Variants in NECAB2 observed in about 807,000 individuals in gnomAD.
The protein encoded by NECAB2 is N-terminal EF-hand calcium binding protein 2.
NECAB2 carries 68 observed loss-of-function variants against 51.9 expected under a neutral mutation model. The ratio of observed to expected loss-of-function variants is 1.31; its 90% confidence interval spans 1.08 to 1.60. The LOEUF is 1.60. NECAB2 is among the 40% of genes most tolerant of loss of function. The probability of loss-of-function intolerance (pLI) is 0.00; values close to 1 mark genes in which losing one functional copy is unlikely to be tolerated. For synonymous variants in NECAB2, 329 were observed against 203.5 expected (o/e 1.62, Z -5.25); for missense variants, 854 against 490.3 (o/e 1.74, Z -7.00).
At chr16:83,974,922 G>T (rs970406258) in intron 2 of NECAB2, among the ~76,000 whole-genome samples, 3 of 136,486 alleles carry the variant, frequency 2.2e-5, no homozygotes, top group African/African-American at 1.1e-4. Context: ...GTGGGTGCGG[G>T]GATGGGAACA....
At position 83,997,037 on chromosome 16, in the gene NECAB2, C is replaced by G. The variant is rs148333483; in HGVS notation, c.796-179C>G. 3.1e-3 allele frequency among the ~76,000 whole-genome samples: 473 copies of G among 152,234 alleles called. 2 individuals carry two copies. Among genetic ancestry groups the G allele is most frequent in the Non-Finnish European group, 5.0e-3 (341 of 67,998 alleles). ...GCCATCCTCACCCCAGCAACATGTT[C>G]TAGGCCCCCTGTAGGCCAGAGGGAG... On this transcript the variant is annotated intron_variant, in intron 8 of 12. Coordinates refer to ENST00000305202, the MANE Select transcript of NECAB2 (RefSeq NM_019065.3).
intron 2 of NECAB2, 132 bp from the exon 3 acceptor site, chr16:83,978,312 G>C: frequency 7.4e-6 from 5 of 672,900 alleles, no homozygotes; most frequent in Non-Finnish European, 1.3e-5. Context: ...TAGCTGGGAG[G>C]GTAGGGATTA....
rs1424709914 is a variant in NECAB2 at position 83,968,608 on chromosome 16, G to C, written c.-41G>C. ...GCGGGGGCGGGCCGCAGCTGGGCGGGGGTCGGCGGGCTTCCGGGCGGCGGC... is the reference window on the plus strand; with the variant it reads ...GCGGGGGCGGGCCGCAGCTGGGCGGCGGTCGGCGGGCTTCCGGGCGGCGGC... On this transcript the variant is annotated 5_prime_UTR_variant, in exon 1 of 13. Transcript: ENST00000305202. 1 of 977,824 alleles carries C rather than the reference G, an allele frequency of 1.0e-6. No homozygotes were observed. Among genetic ancestry groups the C allele is most frequent in the Non-Finnish European group, 1.2e-6 (1 of 826,364 alleles). 60.6% of individuals were successfully genotyped at this position (977,824 alleles called of 1,614,324 possible). A position where few individuals can be genotyped will look rare whatever the true frequency, so the allele number is the denominator to read the frequency against.
chr16:83,978,994 A>C (rs76064413), intron 3 of NECAB2, among the ~76,000 whole-genome samples: 3,006 of 152,194 alleles, frequency 0.02, 38 homozygotes, highest in African/African-American at 0.031. Flanking sequence ...TCCTAACTCA[A>C]CACTACGTCT....
intron 5 of NECAB2, among the ~76,000 whole-genome samples, chr16:83,982,993 C>G (rs1374439760): frequency 6.6e-6 from 1 of 151,922 alleles, no homozygotes; most frequent in Non-Finnish European, 1.5e-5. Flanking sequence ...CTCAGCCTCC[C>G]GAGTAGCTGG....
chr16:83,989,279 T>C (rs970157526), intron 5 of NECAB2, among the ~76,000 whole-genome samples: 3 of 152,190 alleles, frequency 2.0e-5, no homozygotes, highest in African/African-American at 7.2e-5. Context: ...GTTTTGGCCA[T>C]GTACTCTGTC....
intron 11 of NECAB2, 24 bp from the exon 12 acceptor site, chr16:84,001,801 C>T: frequency 1.2e-6 from 2 of 1,613,354 alleles, no homozygotes; most frequent in African/African-American, 1.3e-5. Flanking sequence ...CCACCCCTGA[C>T]TCACACATGT....
In NECAB2 at chr16:83,994,283, G is replaced by T. The variant is rs372815049; in HGVS notation, c.597-19G>T. The T allele has an allele frequency of 2.5e-6, 4 of 1,612,634 alleles. No homozygotes were observed. The highest frequency in any genetic ancestry group is 1.1e-5 in the South Asian group (1 of 91,066). On this transcript the variant is annotated intron_variant, in intron 6 of 12. Transcript: ENST00000305202. Reference sequence around the variant, plus strand: ...GAAGCCACCGCCATGGTCTGTGTGTGTTCCCATCCAAACTGCAGACAGAAC... The same window carrying T: ...GAAGCCACCGCCATGGTCTGTGTGTTTTCCCATCCAAACTGCAGACAGAAC...
Position 83,998,264 on chromosome 16 carries a change from G to C in NECAB2, c.909G>C (p.Leu303=). 6.2e-7 allele frequency: 1 copy of C among 1,613,324 alleles called. No homozygotes were observed. ...GCCCCGAGCAACTGAGCGAGTTTCT[G>C]GACTCTCTGCGCCAGTATCTGCGGG... The part of the protein sequence containing the change: ...AVCPEQLSEF[L]DSLRQYLRGT... The change falls in exon 10 of 13, where the codon CTG becomes CTC. Residue 303 remains leucine (L), a synonymous_variant. Coordinates refer to ENST00000305202, the MANE Select transcript of NECAB2 (RefSeq NM_019065.3).
intron 3 of NECAB2, 146 bp downstream of exon 3, chr16:83,978,698 A>T: frequency 4.5e-6 from 3 of 659,618 alleles, no homozygotes; most frequent in Non-Finnish European, 7.9e-6. Context: ...TCAGCTCTTC[A>T]CTGCCTGGGG....
Position 83,998,197 on chromosome 16 carries a change from CCCGGCAGCACCTGCAGCTGGT to C in NECAB2, c.850_870del (p.His284_Gln290del). The C allele has an allele frequency of 9.3e-6, 15 of 1,606,456 alleles. No homozygotes were observed. Among genetic ancestry groups the C allele is most frequent in the Non-Finnish European group, 1.3e-5 (15 of 1,179,688 alleles). On this transcript the variant is annotated splice_acceptor_variant and splice_polypyrimidine_tract_variant and coding_sequence_variant and intron_variant, in exon 10 of 13. Transcript: ENST00000305202. LOFTEE classifies it high-confidence loss of function. ...GAGCCCCACACTGACTCCTGCTGTG[CCCGGCAGCACCTGCAGCTGGT>C]CCGGCAGGAGATGGCCGTGTGCCCC...
At position 83,997,265 on chromosome 16, in the gene NECAB2, A is replaced by G; in HGVS notation, c.845A>G (p.Asn282Ser). The G allele has an allele frequency of 6.2e-7, 1 of 1,614,066 alleles. No individual in the cohort carries two copies. Among genetic ancestry groups the G allele is most frequent in the South Asian group, 1.1e-5 (1 of 91,074 alleles). The stretch of plus-strand genomic sequence containing the variant: ...CGCCTGTCAGATGAAGATGGCACCA[A>G]CATGGTGAGGCCCCTTCCCACCTCT... ...QQRLSDEDGT[N>S]MHLQLVRQEM... The change falls in exon 9 of 13, where the codon AAC (asparagine) becomes AGC (serine). Residue 282 changes from asparagine (N) to serine (S), a missense_variant. Transcript: ENST00000305202.
chr16:83,998,069 A>G (rs555018582), intron 9 of NECAB2, 136 bp from the exon 10 acceptor site: 1 of 760,748 alleles, frequency 1.3e-6, no homozygotes, highest in African/African-American at 1.7e-5. Context: ...ATTCTTATCC[A>G]TTCATGGGTA....
intron 8 of NECAB2, among the ~76,000 whole-genome samples, chr16:83,995,493 C>T (rs1399793504): frequency 2.0e-5 from 3 of 152,142 alleles, no homozygotes; most frequent in African/African-American, 7.2e-5. Context: ...CTGTAGCTTG[C>T]ATTTAATATT....
At chr16:83,976,321 C>G (rs1166953341) in intron 2 of NECAB2, among the ~76,000 whole-genome samples, 1 of 152,224 alleles carries the variant, frequency 6.6e-6, no homozygotes, top group African/African-American at 2.4e-5. Flanking sequence ...AGCTGTAGGA[C>G]CTAGGCAAGT....
At chr16:83,967,712 ATGGATGG>A (rs2084301186), upstream of NECAB2, among the ~76,000 whole-genome samples, 1 of 110,758 alleles carries the variant, frequency 9.0e-6, no homozygotes. Context: ...GGACGGATGG[ATGGATGG>A]ATGGATGGAT....
chr16:83,972,160 C>A lies in NECAB2; in HGVS notation c.211C>A (p.Arg71Ser), dbSNP rs768200680. ...GTAVILDIFR[R>S]ADKNDDGKLS... Reference sequence around the variant, plus strand: ...CCTCTCTTTTCTGCAGATTTTCCGCCGTGCGGACAAAAATGGTGAGTTTCC... The same window carrying A: ...CCTCTCTTTTCTGCAGATTTTCCGCAGTGCGGACAAAAATGGTGAGTTTCC... Residue 71 changes from arginine to serine, a missense_variant, in exon 2 of 13, where the codon CGT becomes AGT. Coordinates refer to ENST00000305202, the MANE Select transcript of NECAB2 (RefSeq NM_019065.3). 3.7e-6 allele frequency: 6 copies of A among 1,613,492 alleles called. No homozygotes were observed. In the South Asian group the frequency reaches 4.4e-5, roughly 12 times the overall value.
At chr16:84,001,341 G>A (rs975810375) in intron 11 of NECAB2, among the ~76,000 whole-genome samples, 2 of 152,066 alleles carry the variant, frequency 1.3e-5, no homozygotes, top group African/African-American at 2.4e-5. Flanking sequence ...GGGGCCTAGG[G>A]GTAGCCCATG....
chr16:83,992,529 T>G (rs2084640061), intron 6 of NECAB2, among the ~76,000 whole-genome samples: 1 of 152,174 alleles, frequency 6.6e-6, no homozygotes, highest in Non-Finnish European at 1.5e-5. Flanking sequence ...CAAGCTCGAT[T>G]GAGCCCTTAA....
Sources: allele counts gnomAD v4.1 joint callset (sites outside exome capture counted in the v4.1 genomes callset), GRCh38; gene constraint gnomAD v4.1.1; transcripts MANE v1.5; gene names NCBI Gene and HGNC (gene_info 2026-07-23, HGNC 2026-07-21).